The following ZFPM1 variants were observed in gnomAD, a reference collection of about 807,000 sequenced individuals.
The protein encoded by ZFPM1 is zinc finger protein ZFPM1.
A neutral mutation model predicts 46.3 loss-of-function variants in ZFPM1; 28 were observed. The ratio of observed to expected loss-of-function variants is 0.60; its 90% CI spans 0.45 to 0.83. The LOEUF (loss-of-function observed/expected upper bound fraction) is 0.83. ZFPM1 is among the 40% of genes least tolerant of loss of function. The probability of loss-of-function intolerance (pLI) is 0.00; values close to 1 mark genes in which losing one functional copy is unlikely to be tolerated. For synonymous variants in ZFPM1, 957 were observed against 675.9 expected (o/e 1.42, Z -6.45); for missense variants, 1,878 against 1,432.4 (o/e 1.31, Z -5.02).
At chr16:88,524,761 T>C (rs1912180321) in intron 4 of ZFPM1, among the ~76,000 whole-genome samples, 1 of 152,200 alleles carries the variant, frequency 6.6e-6, no homozygotes, top group Non-Finnish European at 1.5e-5. Context: ...CAAAGGCTAA[T>C]GGTGGGCTTC....
Position 88,497,915 on chromosome 16 carries a change from CG to C in ZFPM1, c.268+8767del, listed in dbSNP as rs1597252326. 6.6e-6 allele frequency among the ~76,000 whole-genome samples: 1 copy of C among 152,208 alleles called. No individual in the cohort carries two copies. The highest frequency in any genetic ancestry group is 1.9e-4 in the East Asian group (1 of 5,194). ...GCCTGCTATCGGGTGGAGGCTGAGG[CG>C]GGGGCCCGGCCTGATGGACAGCAGG... On this transcript the variant is annotated intron_variant, in intron 3 of 9. Transcript: ENST00000319555. This position sits in a 1 kb window ranked among gnomAD's most constrained non-coding sequence, Gnocchi z 5.4.
intron 6 of ZFPM1, chr16:88,530,793 C>T (rs945645420): frequency 2.0e-5 from 3 of 152,284 alleles, no homozygotes; most frequent in African/African-American, 7.2e-5. Flanking sequence ...CAGCTCAAGG[C>T]CTCAGCTGAG....
chr16:88,532,754 G>A lies in ZFPM1; in HGVS notation c.1043-35G>A, dbSNP rs371346357. The A allele has an allele frequency of 3.2e-5, 51 of 1,612,804 alleles. No individual in the cohort carries two copies. In the African/African-American group the frequency reaches 6.0e-4, roughly 19 times the overall value. On this transcript the variant is annotated intron_variant, in intron 8 of 9. Transcript: ENST00000319555. ...GGGGGTGTGTGGGTCCCGCCTCCCCGCCCTGGGCCTTGACCACCTCGCCAT... is the reference window on the plus strand; with the variant it reads ...GGGGGTGTGTGGGTCCCGCCTCCCCACCCTGGGCCTTGACCACCTCGCCAT...
In ZFPM1 at chr16:88,533,885, G is replaced by A. The variant is rs1913025700; in HGVS notation, c.1927G>A (p.Ala643Thr). 2 of 1,007,652 alleles carry A rather than the reference G, an allele frequency of 2.0e-6. No individual in the cohort carries two copies. Among genetic ancestry groups the A allele is most frequent in the East Asian group, 9.8e-5 (1 of 10,176 alleles). The allele number at this position is 1,007,652 out of a possible 1,614,324, so 62.4% of individuals were successfully genotyped here. A position where few individuals can be genotyped will look rare whatever the true frequency, so the allele number is the denominator to read the frequency against. The change falls in exon 10 of 10, where the codon GCG (alanine) becomes ACG (threonine). Residue 643 changes from alanine to threonine, a missense_variant. Physicochemically the swap from Ala to Thr is moderately conservative, Grantham distance 58 (BLOSUM62 0). Coordinates refer to ENST00000319555, the MANE Select transcript of ZFPM1 (RefSeq NM_153813.3). ...DAPRSSPGPG[A>T]REEGAGGAAT... is the part of the protein sequence containing the mutation. ...GCCGCGCTCGTCCCCGGGCCCCGGA[G>A]CGCGCGAGGAGGGGGCTGGGGGCGC...
intron 3 of ZFPM1, among the ~76,000 whole-genome samples, chr16:88,501,066 G>T (rs1266547338): frequency 2.0e-5 from 3 of 150,504 alleles, no homozygotes; most frequent in African/African-American, 2.4e-5. Context: ...GATGGAGGTA[G>T]CGGTCATGGA....
chr16:88,514,352 C>T (rs1046997848), intron 3 of ZFPM1, 35 bp from the exon 4 acceptor site: 32 of 1,554,596 alleles, frequency 2.1e-5, no homozygotes, highest in Middle Eastern at 1.7e-4. Context: ...GGCCCCAGAC[C>T]GGGCACGCCT....
chr16:88,488,129 T>G (rs1055545448), intron 2 of ZFPM1, among the ~76,000 whole-genome samples: 1 of 152,328 alleles, frequency 6.6e-6, no homozygotes, highest in African/African-American at 2.4e-5. Context: ...CCCTTGGCTG[T>G]CACCGCCGCC....
At chr16:88,458,654 C>A (rs1438902771) in intron 1 of ZFPM1, among the ~76,000 whole-genome samples, 1 of 152,248 alleles carries the variant, frequency 6.6e-6, no homozygotes, top group Non-Finnish European at 1.5e-5. Context: ...GTATCACCAA[C>A]CCCATGGACC....
intron 1 of ZFPM1, among the ~76,000 whole-genome samples, chr16:88,483,818 G>T (rs2142369642): frequency 6.6e-6 from 1 of 152,334 alleles, no homozygotes; most frequent in South Asian, 2.1e-4. Context: ...GCCACAGCCT[G>T]CTCATGATCA....
intron 1 of ZFPM1, among the ~76,000 whole-genome samples, chr16:88,459,031 C>T (rs900529312): frequency 6.6e-5 from 10 of 152,218 alleles, no homozygotes; most frequent in Non-Finnish European, 1.2e-4. Flanking sequence ...AGGGGAGAGC[C>T]GGCGCCCGTC....
At chr16:88,527,921 G>A in intron 5 of ZFPM1, 111 bp from the exon 6 acceptor site, 1 of 1,132,738 alleles carries the variant, frequency 8.8e-7, no homozygotes, top group Non-Finnish European at 1.2e-6. Context: ...AGCCAGCCAT[G>A]GCTGTGAACC....
Position 88,528,768 on chromosome 16 carries a change from C to T in ZFPM1, c.712+530C>T, listed in dbSNP as rs369703548. Among the ~76,000 whole-genome samples, 116 of 152,300 alleles carry T rather than the reference C, an allele frequency of 7.6e-4. 5 individuals are homozygous for T. The South Asian group carries it at 0.023, about 30-fold the overall frequency. On this transcript the variant is annotated intron_variant, in intron 6 of 9. Transcript: ENST00000319555. ...TTGTTTTTTTTTCGAGACAAGGTCT[C>T]ACTCTGTTACCCAGGATGGTCATAA...
At chr16:88,454,710 C>T (rs1284523224) in intron 1 of ZFPM1, among the ~76,000 whole-genome samples, 1 of 152,242 alleles carries the variant, frequency 6.6e-6, no homozygotes, top group Non-Finnish European at 1.5e-5. Flanking sequence ...CCACCCTATG[C>T]CAATAATAAC....
chr16:88,465,275 A>G (rs1908082613), intron 1 of ZFPM1, among the ~76,000 whole-genome samples: 1 of 152,236 alleles, frequency 6.6e-6, no homozygotes. Context: ...AACATGTCAT[A>G]ATGCTGGAAA....
chr16:88,530,967 G>A (rs540904204), intron 6 of ZFPM1: 1 of 152,436 alleles, frequency 6.6e-6, no homozygotes, highest in Admixed American at 6.5e-5. Flanking sequence ...GGCAGAGGTG[G>A]CGAGCAGGCC....
intron 7 of ZFPM1, 143 bp downstream of exon 7, chr16:88,532,378 G>A (rs1912857956): frequency 2.1e-6 from 2 of 974,392 alleles, no homozygotes; most frequent in Non-Finnish European, 3.0e-6. Flanking sequence ...CAGGGCCCCC[G>A]CAGGGGCCCA....
chr16:88,522,417 C>T (rs1911967891), intron 4 of ZFPM1, among the ~76,000 whole-genome samples: 1 of 152,210 alleles, frequency 6.6e-6, no homozygotes, highest in African/African-American at 2.4e-5. Context: ...GCTGCTGGCC[C>T]ACTACCCCGC....
intron 1 of ZFPM1, among the ~76,000 whole-genome samples, chr16:88,458,927 C>G (rs1296290696): frequency 6.6e-6 from 1 of 152,216 alleles, no homozygotes; most frequent in Non-Finnish European, 1.5e-5. Context: ...TCTGGATGCG[C>G]TGTCCTTGCT....
chr16:88,453,747 GC>G, intron 1 of ZFPM1, 69 bp downstream of exon 1: 8 of 971,610 alleles, frequency 8.2e-6, no homozygotes, highest in South Asian at 3.6e-5. Context: ...CGCCAGCGCC[GC>G]CCCCGCCCGT....
Sources: allele counts gnomAD v4.1 joint callset (sites outside exome capture counted in the v4.1 genomes callset), GRCh38; gene constraint gnomAD v4.1.1; non-coding constraint Gnocchi (gnomAD v3.1); transcripts MANE v1.5; gene names NCBI Gene and HGNC (gene_info 2026-07-23, HGNC 2026-07-21).